CMTM8: variants seen among roughly 807,000 people sequenced by gnomAD.
The protein encoded by CMTM8 is CKLF like MARVEL transmembrane domain containing 8, also known as CKLF-like MARVEL transmembrane domain-containing protein 8.
CMTM8 carries 12 observed loss-of-function variants against 18.6 expected under a neutral mutation model. The ratio of observed to expected loss-of-function variants is 0.65; its 90% CI spans 0.41 to 1.05. CMTM8 has a LOEUF of 1.05. Among genes scored for constraint, CMTM8 ranks in the 50% least tolerant of loss-of-function variants. The pLI is 0.00. For synonymous variants in CMTM8, 87 were observed against 90.6 expected, an observed-to-expected ratio of 0.96 and a Z score of 0.23; for missense variants, 217 against 227.2, an observed-to-expected ratio of 0.95 and a Z score of 0.29.
chr3:32,370,008 T>A lies in CMTM8; in HGVS notation c.*41T>A. The A allele has an allele frequency of 4.0e-6, 5 of 1,239,924 alleles. No individual in the cohort carries two copies. The highest frequency in any genetic ancestry group is 5.8e-6 in the Non-Finnish European group (5 of 864,322). The allele number at this position is 1,239,924 out of a possible 1,614,324, so 76.8% of individuals were successfully genotyped here. A position where few individuals can be genotyped will look rare whatever the true frequency, so the allele number is the denominator to read the frequency against. On this transcript the variant is annotated 3_prime_UTR_variant, in exon 4 of 4. Transcript: ENST00000307526. ...ATTAAAAGGAAAAAAAAAGGAAGAC[T>A]CTCACTGTAAAAACAGCTGTAGGTA... is the stretch of plus-strand genomic sequence containing the variant.
intron 1 of CMTM8, among the ~76,000 whole-genome samples, chr3:32,311,601 T>A (rs955973999): frequency 6.6e-6 from 1 of 152,266 alleles, no homozygotes; most frequent in Non-Finnish European, 1.5e-5. Flanking sequence ...TAATCCCATG[T>A]GCAATGTCCT....
At chr3:32,325,068 C>T (rs1041664295) in intron 1 of CMTM8, among the ~76,000 whole-genome samples, 11 of 152,168 alleles carry the variant, frequency 7.2e-5, no homozygotes, top group African/African-American at 2.4e-4. Flanking sequence ...TCAGAGCACC[C>T]CTCTTGCACC....
chr3:32,248,761 T>C (rs1264121980), intron 1 of CMTM8, among the ~76,000 whole-genome samples: 2 of 152,106 alleles, frequency 1.3e-5, no homozygotes. Flanking sequence ...TAACTCATTG[T>C]AACCACAAAC....
chr3:32,270,308 G>A (rs1316955466), intron 1 of CMTM8, among the ~76,000 whole-genome samples: 2 of 152,218 alleles, frequency 1.3e-5, no homozygotes, highest in Non-Finnish European at 2.9e-5. Flanking sequence ...GAAAGTCAGT[G>A]TGGTGATTCC....
chr3:32,336,841 A>G (rs1189875945), intron 1 of CMTM8, among the ~76,000 whole-genome samples: 2 of 152,134 alleles, frequency 1.3e-5, no homozygotes, highest in Non-Finnish European at 2.9e-5. Flanking sequence ...ACAGAAGGAA[A>G]TTGTCTGTTT....
chr3:32,240,869 C>T (rs961638967), intron 1 of CMTM8, among the ~76,000 whole-genome samples: 3 of 152,170 alleles, frequency 2.0e-5, no homozygotes, highest in African/African-American at 7.2e-5. Flanking sequence ...TTCACTGCCG[C>T]CTTGACCTCT....
Position 32,238,879 on chromosome 3 carries a change from C to T in CMTM8, c.-94C>T. On this transcript the variant is annotated 5_prime_UTR_variant, in exon 1 of 4. Transcript: ENST00000307526. ...GCCCCGCGCGGGCCGCGCTCCCCTCCCCCGCGCCTGTGTCCCCAGGGCGCA... is the reference window on the plus strand; with the variant it reads ...GCCCCGCGCGGGCCGCGCTCCCCTCTCCCGCGCCTGTGTCCCCAGGGCGCA... 1 of 1,221,916 alleles carries T rather than the reference C, an allele frequency of 8.2e-7. No homozygotes were observed. The highest frequency in any genetic ancestry group is 1.1e-6 in the Non-Finnish European group (1 of 945,534). The allele number at this position is 1,221,916 out of a possible 1,614,324, so 75.7% of individuals were successfully genotyped here. A position where few individuals can be genotyped will look rare whatever the true frequency, so the allele number is the denominator to read the frequency against.
intron 3 of CMTM8, among the ~76,000 whole-genome samples, chr3:32,369,625 C>G (rs1301798988): frequency 6.6e-6 from 1 of 152,150 alleles, no homozygotes; most frequent in African/African-American, 2.4e-5. Context: ...GATGCACTGC[C>G]GCCGTATTCA....
chr3:32,353,791 T>TA (rs1696759200), intron 1 of CMTM8, among the ~76,000 whole-genome samples: 1 of 151,066 alleles, frequency 6.6e-6, no homozygotes, highest in Non-Finnish European at 1.5e-5. Context: ...TTAATTTTTT[T>TA]TTTTTTTTTT....
At chr3:32,259,925 C>T (rs978768703) in intron 1 of CMTM8, 29 of 1,111,926 alleles carry the variant, frequency 2.6e-5, no homozygotes, top group African/African-American at 1.1e-4. Flanking sequence ...GGTGGAGGCC[C>T]GCTACACCCT....
At chr3:32,307,894 G>C (rs1695747876) in intron 1 of CMTM8, among the ~76,000 whole-genome samples, 1 of 152,212 alleles carries the variant, frequency 6.6e-6, no homozygotes, top group South Asian at 2.1e-4. Flanking sequence ...AAGTACAAAT[G>C]GAGAAGGCCC....
intron 1 of CMTM8, among the ~76,000 whole-genome samples, chr3:32,299,493 T>C: frequency 6.6e-6 from 1 of 152,172 alleles, no homozygotes; most frequent in East Asian, 1.9e-4. Context: ...TTTTTAATTT[T>C]TGTGGCTACA....
intron 1 of CMTM8, among the ~76,000 whole-genome samples, chr3:32,291,985 A>G (rs1202021492): frequency 6.6e-6 from 1 of 152,174 alleles, no homozygotes. Flanking sequence ...GAAGTTGAAA[A>G]AATAAATTAG....
intron 1 of CMTM8, among the ~76,000 whole-genome samples, chr3:32,335,379 T>G (rs1696366224): frequency 6.6e-6 from 1 of 152,150 alleles, no homozygotes; most frequent in Non-Finnish European, 1.5e-5. Context: ...TCAGGCGCAC[T>G]AGGTGGTGGG....
intron 1 of CMTM8, among the ~76,000 whole-genome samples, chr3:32,316,409 T>C (rs1695932654): frequency 6.6e-6 from 1 of 152,200 alleles, no homozygotes. Context: ...AAAAAAAAAG[T>C]TCCCCTGAGA....
intron 1 of CMTM8, among the ~76,000 whole-genome samples, chr3:32,246,917 C>G (rs749644096): frequency 2.0e-5 from 3 of 152,026 alleles, no homozygotes; most frequent in Non-Finnish European, 2.9e-5. Flanking sequence ...GCCTGGCCAA[C>G]ATAACAAAAC....
intron 1 of CMTM8, among the ~76,000 whole-genome samples, chr3:32,256,351 TGA>T (rs906699618): frequency 2.6e-5 from 4 of 152,120 alleles, no homozygotes; most frequent in Admixed American, 2.6e-4. Context: ...ATTACAGGTG[TGA>T]GTCACTGTAC....
chr3:32,363,958 G>A (rs3844586), intron 2 of CMTM8, among the ~76,000 whole-genome samples: 56,302 of 152,076 alleles, frequency 0.37, 10,933 homozygotes, highest in Middle Eastern at 0.54. Flanking sequence ...CTCAGCCTTT[G>A]CCCAGACCCA....
chr3:32,324,017 A>G (rs1696109748), intron 1 of CMTM8, among the ~76,000 whole-genome samples: 2 of 152,220 alleles, frequency 1.3e-5, no homozygotes, highest in South Asian at 2.1e-4. Flanking sequence ...GAAGGAGTAA[A>G]TGACTTTGAA....
Sources: gnomAD v4.1 joint callset for allele counts (sites outside exome capture counted in the v4.1 genomes callset) on GRCh38, gnomAD v4.1.1 for gene constraint, MANE v1.5 for transcripts, NCBI Gene and HGNC (gene_info 2026-07-23, HGNC 2026-07-21) for gene names.